SF3B3: variants seen among roughly 807,000 people sequenced by gnomAD.
The protein encoded by SF3B3 is splicing factor 3b subunit 3, also known as SAP 130.
SF3B3 carries 33 observed loss-of-function variants against 139.2 expected under a neutral mutation model. That is an observed-to-expected ratio of 0.24 (90% confidence interval 0.18 to 0.32). The LOEUF is 0.32. SF3B3 is among the 10% of genes least tolerant of loss of function. The pLI is 1.00. For missense variants in SF3B3, 818 were observed against 1,509.4 expected (o/e 0.54, Z 7.59); for synonymous variants, 596 against 563.6 (o/e 1.06, Z -0.81).
intron 21 of SF3B3, among the ~76,000 whole-genome samples, 175 bp downstream of exon 21, chr16:70,567,711 A>G (rs1346602918): frequency 2.0e-5 from 3 of 152,182 alleles, no homozygotes; most frequent in Non-Finnish European, 4.4e-5. Context: ...TTTGAGACGG[A>G]GTCTCGCCCT....
chr16:70,567,375 T>G (rs768022631), intron 20 of SF3B3, 36 bp from the exon 21 acceptor site: 3 of 1,588,330 alleles, frequency 1.9e-6, no homozygotes, highest in Non-Finnish European at 2.6e-6. Context: ...CTGGCTGGCA[T>G]TTATAATAGC....
rs1365845088 is a variant in SF3B3, at chr16:70,567,432, G to T, written c.2848G>T (p.Ala950Ser). ...LHKTPVEEVP[A>S]AIAPFQGRVL... Reference sequence around the variant, plus strand: ...ATAGACTCCTGTGGAAGAGGTCCCTGCTGCTATTGCCCCATTCCAGGGGAG... The same window carrying T: ...ATAGACTCCTGTGGAAGAGGTCCCTTCTGCTATTGCCCCATTCCAGGGGAG... Residue 950 changes from alanine to serine, a missense_variant, in exon 21 of 26, where the codon GCT (alanine) becomes TCT (serine). This residue lies in a region of SF3B3 where 145 missense variants were observed against 153.6 expected (regional missense o/e 0.94). Coordinates refer to ENST00000302516, the MANE Select transcript of SF3B3 (RefSeq NM_012426.5). The T allele has an allele frequency of 6.2e-7, 1 of 1,614,002 alleles. No individual in the cohort carries two copies. The highest frequency in any genetic ancestry group is 8.5e-7 in the Non-Finnish European group (1 of 1,179,952).
Position 70,571,131 on chromosome 16 carries a change from C to G in SF3B3, c.3445C>G (p.Arg1149Gly), listed in dbSNP as rs748080523. The change falls in exon 25 of 26, where the codon CGG becomes GGG. Residue 1149 changes from arginine (R) to glycine (G), a missense_variant. Physicochemically the swap from Arg to Gly is moderately radical, Grantham distance 125. This residue lies in a region of SF3B3 where 44 missense variants were observed against 40.4 expected (regional missense o/e 1.09). Coordinates refer to ENST00000302516, the MANE Select transcript of SF3B3 (RefSeq NM_012426.5). ...CTTCCAGCATGTGGAAATGCACCTG[C>G]GGTCTGAACATCCCCCTCTCTGTGG... ...DFFQHVEMHL[R>G]SEHPPLCGRD... 6.2e-7 allele frequency: 1 copy of G among 1,614,040 alleles called. No individual in the cohort carries two copies. The highest frequency in any genetic ancestry group is 1.1e-5 in the South Asian group (1 of 91,074).
At chr16:70,525,820 G>C (rs1424645668) in intron 1 of SF3B3, among the ~76,000 whole-genome samples, 4 of 151,798 alleles carry the variant, frequency 2.6e-5, no homozygotes, top group Non-Finnish European at 5.9e-5. Flanking sequence ...AATTAGCCGG[G>C]TGTGGTGGCG....
chr16:70,569,320 TAGAG>T (rs1305753000), intron 23 of SF3B3, among the ~76,000 whole-genome samples, 179 bp downstream of exon 23: 2 of 152,220 alleles, frequency 1.3e-5, no homozygotes, highest in Non-Finnish European at 2.9e-5. Flanking sequence ...GCGAGTTTCT[TAGAG>T]AGAGTCCATT....
chr16:70,571,141 A>T lies in SF3B3; in HGVS notation c.3455A>T (p.His1152Leu). Residue 1152 changes from histidine (H) to leucine (L), a missense_variant, in exon 25 of 26, where the codon CAT becomes CTT. This residue lies in a region of SF3B3 where 44 missense variants were observed against 40.4 expected (regional missense o/e 1.09). Transcript: ENST00000302516. ...QHVEMHLRSE[H>L]PPLCGRDHLS... ...GTGGAAATGCACCTGCGGTCTGAACATCCCCCTCTCTGTGGGCGGGACCAC... is the reference window on the plus strand; with the variant it reads ...GTGGAAATGCACCTGCGGTCTGAACTTCCCCCTCTCTGTGGGCGGGACCAC... 1 of 1,613,036 alleles carries T rather than the reference A, an allele frequency of 6.2e-7. No homozygotes were observed. The highest frequency in any genetic ancestry group is 1.3e-5 in the African/African-American group (1 of 74,740).
chr16:70,539,242 GT>G, intron 8 of SF3B3, 35 bp downstream of exon 8: 1 of 1,495,090 alleles, frequency 6.7e-7, no homozygotes, highest in Non-Finnish European at 9.3e-7. Flanking sequence ...GTTCACCCTG[GT>G]TGGGATAAAA....
intron 2 of SF3B3, among the ~76,000 whole-genome samples, chr16:70,527,179 A>G (rs1029633485): frequency 2.6e-5 from 4 of 152,220 alleles, no homozygotes; most frequent in Admixed American, 6.5e-5. Flanking sequence ...GGGAAAATGC[A>G]GTTTAGGTAG....
At position 70,565,358 on chromosome 16, in the gene SF3B3, C is replaced by A; in HGVS notation, c.2670-10C>A. ...TAAGGCCTTACTCTTGCTTCTTATTCTGTGTGTAGTGTGGCTGTGTGCAGG... is the reference window on the plus strand; with the variant it reads ...TAAGGCCTTACTCTTGCTTCTTATTATGTGTGTAGTGTGGCTGTGTGCAGG... On this transcript the variant is annotated splice_polypyrimidine_tract_variant and intron_variant, in intron 19 of 25. Transcript: ENST00000302516. 6.2e-7 allele frequency: 1 copy of A among 1,614,006 alleles called. No homozygotes were observed. The highest frequency in any genetic ancestry group is 8.5e-7 in the Non-Finnish European group (1 of 1,179,950).
chr16:70,536,531 A>G (rs1390176375), intron 6 of SF3B3, among the ~76,000 whole-genome samples: 1 of 143,646 alleles, frequency 7.0e-6, no homozygotes, highest in East Asian at 2.0e-4. Flanking sequence ...CGCCCGGCTA[A>G]TTTTTTTTTT....
chr16:70,568,272 G>GT lies in SF3B3; in HGVS notation c.2953-6dup, dbSNP rs2050496202. On this transcript the variant is annotated splice_polypyrimidine_tract_variant and intron_variant, in intron 21 of 25. Coordinates refer to ENST00000302516, the MANE Select transcript of SF3B3 (RefSeq NM_012426.5). Reference sequence around the variant, plus strand: ...TACACCCACCATCACTATTGTCTTTGTTTTTCCCAGCATATTGCCAATTAT... The same window carrying GT: ...TACACCCACCATCACTATTGTCTTTGTTTTTTCCCAGCATATTGCCAATTAT... The GT allele has an allele frequency of 1.3e-6, 2 of 1,599,606 alleles. No homozygotes were observed. The highest frequency in any genetic ancestry group is 1.7e-6 in the Non-Finnish European group (2 of 1,167,058).
intron 2 of SF3B3, among the ~76,000 whole-genome samples, chr16:70,527,257 A>G (rs1410627934): frequency 6.6e-6 from 1 of 152,236 alleles, no homozygotes; most frequent in Non-Finnish European, 1.5e-5. Flanking sequence ...TTTTGTAAAG[A>G]TGGATTAAGG....
chr16:70,529,377 G>T, intron 3 of SF3B3, 178 bp downstream of exon 3: 2 of 581,992 alleles, frequency 3.4e-6, no homozygotes, highest in South Asian at 2.3e-5. Context: ...TAAAACAATG[G>T]GAAAAATCTT....
chr16:70,534,072 A>C (rs545554087), intron 5 of SF3B3, among the ~76,000 whole-genome samples: 1 of 152,204 alleles, frequency 6.6e-6, no homozygotes, highest in East Asian at 1.9e-4. Context: ...GCCAAATGCC[A>C]TGACAGCACA....
At chr16:70,548,269 T>G (rs2050287956) in intron 10 of SF3B3, 101 bp from the exon 11 acceptor site, 3 of 935,816 alleles carry the variant, frequency 3.2e-6, no homozygotes, top group Non-Finnish European at 5.3e-6. Context: ...ACAGCATACG[T>G]TGTGAACCCT....
chr16:70,571,231 G>A, intron 25 of SF3B3, 32 bp downstream of exon 25: 1 of 1,482,288 alleles, frequency 6.7e-7, no homozygotes, highest in Non-Finnish European at 9.4e-7. Flanking sequence ...TGAAAAGGGA[G>A]ATCTGAGAAA....
chr16:70,548,884 A>T (rs4589546), intron 11 of SF3B3, among the ~76,000 whole-genome samples: 1 of 152,238 alleles, frequency 6.6e-6, no homozygotes, highest in Non-Finnish European at 1.5e-5. Context: ...TTGTTAGTCA[A>T]TCTTGCTAGT....
intron 14 of SF3B3, chr16:70,556,550 T>G (rs2050381245): frequency 3.2e-6 from 2 of 624,930 alleles, no homozygotes; most frequent in African/African-American, 3.7e-5. Flanking sequence ...GAAATGTTTC[T>G]TTGGCTTAAG....
chr16:70,570,532 G>A (rs1475045784), intron 24 of SF3B3, among the ~76,000 whole-genome samples: 4 of 151,874 alleles, frequency 2.6e-5, no homozygotes, highest in Non-Finnish European at 4.4e-5. Context: ...GGGTTTCACC[G>A]TGTTAGCCAG....
Sources: allele counts gnomAD v4.1 joint callset (sites outside exome capture counted in the v4.1 genomes callset), GRCh38; gene constraint gnomAD v4.1.1; regional missense constraint gnomAD v4.1.1; transcripts MANE v1.5; gene names NCBI Gene and HGNC (gene_info 2026-07-23, HGNC 2026-07-21).